Variants in PTPRT observed in about 807,000 individuals in gnomAD.
PTPRT encodes protein tyrosine phosphatase receptor type T.
PTPRT carries 56 observed loss-of-function variants against 176.8 expected under a neutral mutation model. That is an observed-to-expected ratio of 0.32 (90% CI 0.26 to 0.40). The LOEUF is 0.40. Ranked by LOEUF, PTPRT falls within the 10% of genes least tolerant of loss-of-function variation. The pLI, the probability that PTPRT is intolerant of heterozygous loss-of-function variation, is 1.00. For missense variants in PTPRT, 1,540 were observed against 1,908.2 expected (o/e 0.81, Z 3.60); for synonymous variants, 783 against 739.0 (o/e 1.06, Z -0.96).
chr20:42,952,749 T>G (rs899070652), intron 1 of PTPRT, among the ~76,000 whole-genome samples: 1 of 152,192 alleles, frequency 6.6e-6, no homozygotes, highest in Non-Finnish European at 1.5e-5. Flanking sequence ...TTGGTCCACA[T>G]GACAATCCTG....
intron 1 of PTPRT, among the ~76,000 whole-genome samples, chr20:43,032,263 C>T (rs1986168113): frequency 6.6e-6 from 1 of 152,126 alleles, no homozygotes; most frequent in Non-Finnish European, 1.5e-5. Flanking sequence ...GCACTGTCTA[C>T]ATTTCAAGTG....
intron 14 of PTPRT, among the ~76,000 whole-genome samples, chr20:42,242,467 TA>T (rs1366590570): frequency 1.3e-4 from 20 of 152,048 alleles, no homozygotes; most frequent in Non-Finnish European, 1.5e-5. Flanking sequence ...AGGCAGAAAA[TA>T]ACATGGGTCC....
In PTPRT at chr20:43,177,887, GCA is replaced by G. The variant is rs1376305783; in HGVS notation, c.88+11757_88+11758del. 3.9e-5 allele frequency among the ~76,000 whole-genome samples: 6 copies of G among 152,298 alleles called. No individual in the cohort carries two copies. In the East Asian group the frequency reaches 1.2e-3, roughly 29 times the overall value. ...ACTTTGAAATTTGTTCAAATTAATTGCACTTTTCCAACAAAAATGGTGTTCAG... is the reference window on the plus strand; with the variant it reads ...ACTTTGAAATTTGTTCAAATTAATTGCTTTTCCAACAAAAATGGTGTTCAG... On this transcript the variant is annotated intron_variant, in intron 1 of 30. Coordinates refer to ENST00000373187, the MANE Select transcript of PTPRT (RefSeq NM_007050.6).
intron 9 of PTPRT, among the ~76,000 whole-genome samples, chr20:42,387,790 T>C: frequency 6.7e-6 from 1 of 149,244 alleles, no homozygotes; most frequent in East Asian, 1.9e-4. Context: ...GATGCTAATA[T>C]TCTTTTTTTT....
intron 1 of PTPRT, among the ~76,000 whole-genome samples, chr20:43,162,763 A>G (rs564302631): frequency 2.6e-4 from 40 of 151,986 alleles, no homozygotes; most frequent in African/African-American, 9.2e-4. Flanking sequence ...GCTTTTCATG[A>G]TGACCCGCTG....
downstream of PTPRT, among the ~76,000 whole-genome samples, chr20:42,069,994 C>A (rs1189998143): frequency 6.6e-6 from 1 of 152,124 alleles, no homozygotes; most frequent in African/African-American, 2.4e-5. Flanking sequence ...CAAGAGAAAG[C>A]CACTCAGGCC....
chr20:42,336,446 A>G (rs1472009523), intron 11 of PTPRT, among the ~76,000 whole-genome samples: 1 of 152,116 alleles, frequency 6.6e-6, no homozygotes, highest in African/African-American at 2.4e-5. Flanking sequence ...GGGGTTGTAA[A>G]TGGTGGTGTT....
At chr20:42,657,182 T>A (rs1012450177) in intron 7 of PTPRT, among the ~76,000 whole-genome samples, 1 of 152,192 alleles carries the variant, frequency 6.6e-6, no homozygotes, top group Admixed American at 6.5e-5. Context: ...TTACTTCCTG[T>A]CCCACCATTA....
chr20:42,344,861 C>G (rs1283742263), intron 11 of PTPRT, among the ~76,000 whole-genome samples: 1 of 152,088 alleles, frequency 6.6e-6, no homozygotes, highest in African/African-American at 2.4e-5. Context: ...TGTGGCTCCC[C>G]AAACACACCC....
chr20:42,141,651 G>A (rs1186976230), intron 18 of PTPRT, among the ~76,000 whole-genome samples: 2 of 152,122 alleles, frequency 1.3e-5, no homozygotes, highest in Non-Finnish European at 2.9e-5. Flanking sequence ...GCCTTCAGAG[G>A]TTCTTCCCCA....
At chr20:42,060,972 A>G in the PTPRT span, among the ~76,000 whole-genome samples, 2 of 152,256 alleles carry the variant, frequency 1.3e-5, no homozygotes, top group African/African-American at 2.4e-5. Context: ...TGATCTGAAT[A>G]AAGTTCCTTA....
intron 16 of PTPRT, 74 bp from the exon 17 acceptor site, chr20:42,161,616 C>T: frequency 6.7e-7 from 1 of 1,500,950 alleles, no homozygotes; most frequent in African/African-American, 1.4e-5. Flanking sequence ...TCTCCCCCAG[C>T]TTGGCCTGAG....
intron 13 of PTPRT, among the ~76,000 whole-genome samples, chr20:42,249,394 A>T (rs1466416985): frequency 6.6e-6 from 1 of 152,204 alleles, no homozygotes; most frequent in Non-Finnish European, 1.5e-5. Flanking sequence ...AATCTGATCA[A>T]TTCCATTTTT....
intron 27 of PTPRT, among the ~76,000 whole-genome samples, chr20:42,094,470 T>C (rs1984983145): frequency 6.6e-6 from 1 of 152,192 alleles, no homozygotes. Flanking sequence ...CGCCCTAGGC[T>C]AGAGTACTGT....
At chr20:42,737,613 T>C (rs894129801) in intron 6 of PTPRT, among the ~76,000 whole-genome samples, 12 of 140,482 alleles carry the variant, frequency 8.5e-5, no homozygotes, top group African/African-American at 1.8e-4. Context: ...GCCTGTGTGA[T>C]AGAGCAAGAT....
At chr20:42,295,511 A>T (rs1263595195) in intron 12 of PTPRT, among the ~76,000 whole-genome samples, 2 of 152,198 alleles carry the variant, frequency 1.3e-5, no homozygotes, top group Non-Finnish European at 2.9e-5. Context: ...AAAAGGACTG[A>T]TGGGTAAAAG....
chr20:42,568,056 G>A (rs902125179), intron 7 of PTPRT, among the ~76,000 whole-genome samples: 9 of 150,914 alleles, frequency 6.0e-5, no homozygotes, highest in African/African-American at 1.5e-4. Flanking sequence ...TGCAACCGCC[G>A]CCTCCTGGGT....
Position 42,734,872 on chromosome 20 carries a change from A to G in PTPRT, c.859+21590T>C, listed in dbSNP as rs78844470. Among the ~76,000 whole-genome samples the G allele has an allele frequency of 2.4e-3, 366 of 152,242 alleles. 2 individuals are homozygous for G. The highest frequency in any genetic ancestry group is 0.023 in the East Asian group (121 of 5,156). The stretch of plus-strand genomic sequence containing the variant: ...ATACCTCCTGAAATCTCTCCTGGGA[A>G]CTGGCACACCATCCCTTCTGCCCAC... On this transcript the variant is annotated intron_variant, in intron 6 of 30. Coordinates refer to ENST00000373187, the MANE Select transcript of PTPRT (RefSeq NM_007050.6).
chr20:42,789,006 T>A (rs555308958), intron 3 of PTPRT, among the ~76,000 whole-genome samples: 3 of 152,346 alleles, frequency 2.0e-5, no homozygotes, highest in Non-Finnish European at 4.4e-5. Flanking sequence ...TTACCTTACA[T>A]TTTAATTTAA....
Sources: allele counts gnomAD v4.1 joint callset (sites outside exome capture counted in the v4.1 genomes callset), GRCh38; gene constraint gnomAD v4.1.1; transcripts MANE v1.5; gene names NCBI Gene and HGNC (gene_info 2026-07-23, HGNC 2026-07-21).